Variants in CERT1 observed in about 807,000 individuals in gnomAD.
CERT1 encodes ceramide transfer protein.
In CERT1, 31 loss-of-function variants were observed where a neutral mutation model predicts 87.9. The ratio of observed to expected loss-of-function variants is 0.35; its 90% CI spans 0.27 to 0.48. CERT1 has a LOEUF of 0.48. CERT1 is among the 20% of genes least tolerant of loss of function. The pLI is 0.99. For missense variants in CERT1, 487 were observed against 758.0 expected, an observed-to-expected ratio of 0.64 and a Z score of 4.20; for synonymous variants, 289 against 250.9, an observed-to-expected ratio of 1.15 and a Z score of -1.44.
intron 11 of CERT1, among the ~76,000 whole-genome samples, chr5:75,398,031 G>T (rs1353543431): frequency 6.6e-6 from 1 of 151,474 alleles, no homozygotes; most frequent in African/African-American, 2.4e-5. Context: ...AAATAAATAA[G>T]TAAAATTAAA....
At chr5:75,443,456 T>C (rs534721641) in intron 3 of CERT1, among the ~76,000 whole-genome samples, 70 of 152,360 alleles carry the variant, frequency 4.6e-4, no homozygotes, top group African/African-American at 1.5e-3. Context: ...CCACTAGTTG[T>C]TTAACTTCCA....
chr5:75,392,969 C>CAAAA (rs1198217217), intron 11 of CERT1, among the ~76,000 whole-genome samples: 2 of 8,698 alleles, frequency 2.3e-4, no homozygotes, highest in African/African-American at 5.5e-4. Context: ...GACTCCGTCT[C>CAAAA]AAAAAAAAAA....
intron 3 of CERT1, among the ~76,000 whole-genome samples, chr5:75,439,345 G>C (rs1057509600): frequency 6.6e-6 from 1 of 151,778 alleles, no homozygotes; most frequent in South Asian, 2.1e-4. Flanking sequence ...AAAGAAAGTG[G>C]TATAAAACAT....
chr5:75,480,694 C>A (rs1766197526), intron 2 of CERT1, among the ~76,000 whole-genome samples: 1 of 152,180 alleles, frequency 6.6e-6, no homozygotes, highest in Non-Finnish European at 1.5e-5. Flanking sequence ...ATCTGATTTG[C>A]CTTCCTCAAG....
chr5:75,406,942 A>G (rs978271266), intron 8 of CERT1, among the ~76,000 whole-genome samples: 1 of 152,194 alleles, frequency 6.6e-6, no homozygotes, highest in African/African-American at 2.4e-5. Flanking sequence ...TAATTAGAAC[A>G]TCATGAATGT....
chr5:75,403,170 C>T (rs1762566852), intron 8 of CERT1, 112 bp from the exon 9 acceptor site: 1 of 705,034 alleles, frequency 1.4e-6, no homozygotes, highest in Non-Finnish European at 2.5e-6. Flanking sequence ...ATTTATTGAA[C>T]ACATATTTAC....
At chr5:75,487,442 C>T (rs966096594) in intron 2 of CERT1, among the ~76,000 whole-genome samples, 9 of 151,986 alleles carry the variant, frequency 5.9e-5, no homozygotes, top group Non-Finnish European at 8.8e-5. Context: ...AGAAATACCA[C>T]GTATGCACAG....
At chr5:75,445,517 G>A (rs1189452910) in intron 3 of CERT1, among the ~76,000 whole-genome samples, 6 of 152,076 alleles carry the variant, frequency 3.9e-5, no homozygotes, top group African/African-American at 2.4e-5. Flanking sequence ...TAAGAGACAA[G>A]GACTTGCTAT....
chr5:75,444,866 A>G (rs1180967637), intron 3 of CERT1, among the ~76,000 whole-genome samples: 1 of 152,084 alleles, frequency 6.6e-6, no homozygotes, highest in Non-Finnish European at 1.5e-5. Flanking sequence ...TCATAGTGAA[A>G]TATTTGAATT....
chr5:75,450,319 C>G (rs1764722258), intron 3 of CERT1, among the ~76,000 whole-genome samples: 1 of 152,046 alleles, frequency 6.6e-6, no homozygotes. Flanking sequence ...ACGGGGCTGA[C>G]CAGCATTAAC....
At chr5:75,499,887 T>C (rs1455176463) in intron 2 of CERT1, among the ~76,000 whole-genome samples, 4 of 152,180 alleles carry the variant, frequency 2.6e-5, no homozygotes, top group African/African-American at 9.7e-5. Context: ...CAAAATCATA[T>C]TATATGTTCA....
Position 75,381,043 on chromosome 5 carries a change from T to C in CERT1, c.1747+29A>G, listed in dbSNP as rs1761560265. 1.9e-5 allele frequency: 30 copies of C among 1,610,806 alleles called. No homozygotes were observed. In the East Asian group the frequency reaches 6.5e-4, roughly 35 times the overall value. On this transcript the variant is annotated intron_variant, in intron 16 of 16. Coordinates refer to ENST00000643780, the MANE Select transcript of CERT1 (RefSeq NM_001379029.1). Reference sequence around the variant, plus strand: ...GTCATGATCAAGAACAGCCACATTATCAAAGAGCAAAAACAATAAAATACA... The same window carrying C: ...GTCATGATCAAGAACAGCCACATTACCAAAGAGCAAAAACAATAAAATACA...
chr5:75,511,639 T>G, upstream of CERT1: 1 of 1,485,088 alleles, frequency 6.7e-7, no homozygotes, highest in Admixed American at 2.2e-5. Context: ...TACCCTCCCC[T>G]CCCCTGTCCT....
intron 2 of CERT1, among the ~76,000 whole-genome samples, chr5:75,492,631 C>T (rs1766852865): frequency 6.6e-6 from 1 of 152,192 alleles, no homozygotes. Context: ...ATTTCTGATA[C>T]AATCACTATA....
At chr5:75,382,120 GAACT>G (rs756594729) in intron 14 of CERT1, 43 bp from the exon 15 acceptor site, 52 of 1,573,862 alleles carry the variant, frequency 3.3e-5, no homozygotes, top group Middle Eastern at 1.7e-4. Flanking sequence ...ATCTAACATG[GAACT>G]AACAAGAGAA....
intron 9 of CERT1, chr5:75,401,818 A>G (rs1762503937): frequency 6.6e-6 from 1 of 152,222 alleles, no homozygotes; most frequent in Admixed American, 6.5e-5. Flanking sequence ...AGCAATGATA[A>G]GAAACGAACA....
intron 11 of CERT1, among the ~76,000 whole-genome samples, chr5:75,394,027 T>C (rs1762145502): frequency 6.6e-6 from 1 of 152,074 alleles, no homozygotes; most frequent in African/African-American, 2.4e-5. Flanking sequence ...GCTTGTTAGA[T>C]AGAATAATTA....
rs868180414 is a variant in CERT1 at position 75,420,386 on chromosome 5, C to T, written c.596-962G>A. Reference sequence around the variant, plus strand: ...TGAGGCGGAGTCTTGCTCTGTCGCCCAGGCTGGAGTGCAGTGGCGCGATCT... The same window carrying T: ...TGAGGCGGAGTCTTGCTCTGTCGCCTAGGCTGGAGTGCAGTGGCGCGATCT... On this transcript the variant is annotated intron_variant, in intron 5 of 16. Transcript: ENST00000643780. Among the ~76,000 whole-genome samples the T allele has an allele frequency of 9.4e-4, 142 of 151,482 alleles. 1 individual carries two copies. Among genetic ancestry groups the T allele is most frequent in the South Asian group, 7.7e-3 (37 of 4,786 alleles).
At chr5:75,425,008 C>A (rs116211124) in intron 5 of CERT1, among the ~76,000 whole-genome samples, 3,498 of 152,114 alleles carry the variant, frequency 0.023, 43 homozygotes, top group Non-Finnish European at 0.033. Flanking sequence ...GTCCTAGCAA[C>A]CTGGGTGGCT....
Sources: gnomAD v4.1 joint callset for allele counts (sites outside exome capture counted in the v4.1 genomes callset) on GRCh38, gnomAD v4.1.1 for gene constraint, MANE v1.5 for transcripts, NCBI Gene and HGNC (gene_info 2026-07-23, HGNC 2026-07-21) for gene names.